Variants in DIP2B observed in about 807,000 individuals in gnomAD.
The protein encoded by DIP2B is disco-interacting protein 2 homolog B.
In DIP2B, 76 loss-of-function variants were observed where a neutral mutation model predicts 198.0. The ratio of observed to expected loss-of-function variants is 0.38; its 90% CI spans 0.32 to 0.46. The LOEUF is 0.46. Among genes scored for constraint, DIP2B ranks in the 20% least tolerant of loss-of-function variants. The pLI is 0.99. For missense variants in DIP2B, 1,559 were observed against 1,978.4 expected, an observed-to-expected ratio of 0.79 and a Z score of 4.02; for synonymous variants, 701 against 739.1, an observed-to-expected ratio of 0.95 and a Z score of 0.84.
intron 23 of DIP2B, among the ~76,000 whole-genome samples, chr12:50,716,801 G>A (rs947493681): frequency 6.6e-5 from 10 of 151,966 alleles, no homozygotes; most frequent in African/African-American, 2.2e-4. Context: ...TCTTAGTTCC[G>A]TGAGGCGGAT....
intron 19 of DIP2B, among the ~76,000 whole-genome samples, chr12:50,702,927 T>A (rs1454724322): frequency 2.0e-5 from 3 of 152,112 alleles, no homozygotes; most frequent in Non-Finnish European, 2.9e-5. Flanking sequence ...GTCTTGAATT[T>A]AAAAAAATTT....
At chr12:50,506,359 G>A (rs1051252129) in intron 1 of DIP2B, among the ~76,000 whole-genome samples, 5 of 152,160 alleles carry the variant, frequency 3.3e-5, no homozygotes, top group African/African-American at 1.2e-4. Context: ...ACTCCCAGGA[G>A]CTTATTAAAC....
chr12:50,656,049 G>GA (rs1163953226), intron 3 of DIP2B, among the ~76,000 whole-genome samples: 1 of 152,120 alleles, frequency 6.6e-6, no homozygotes, highest in Admixed American at 6.5e-5. Flanking sequence ...AAAATATATT[G>GA]AAAATGTTGT....
chr12:50,654,879 T>G (rs1330163303), intron 3 of DIP2B: 6 of 281,412 alleles, frequency 2.1e-5, no homozygotes, highest in South Asian at 1.3e-4. Flanking sequence ...CAACACACTC[T>G]GAAGGTTAGG....
chr12:50,604,870 A>G (rs986356134), intron 1 of DIP2B, among the ~76,000 whole-genome samples: 2 of 152,194 alleles, frequency 1.3e-5, no homozygotes, highest in African/African-American at 2.4e-5. Context: ...ATATATATCA[A>G]TGAGAGTTCC....
At chr12:50,739,350 A>C in intron 35 of DIP2B, 59 bp from the exon 36 acceptor site, 5 of 1,538,626 alleles carry the variant, frequency 3.2e-6, no homozygotes, top group Non-Finnish European at 3.5e-6. Context: ...ACCTGATCCA[A>C]GAGAATTAAT....
intron 2 of DIP2B, among the ~76,000 whole-genome samples, chr12:50,639,361 T>C (rs568825562): frequency 2.0e-4 from 31 of 152,270 alleles, no homozygotes; most frequent in Admixed American, 1.8e-3. Flanking sequence ...AGATGGCTCA[T>C]TCACATGTTT....
At chr12:50,579,087 CA>C (rs1958690771) in intron 1 of DIP2B, among the ~76,000 whole-genome samples, 1 of 151,900 alleles carries the variant, frequency 6.6e-6, no homozygotes, top group Non-Finnish European at 1.5e-5. Flanking sequence ...TGTGTTGTGT[CA>C]AGGAAAAACA....
intron 9 of DIP2B, among the ~76,000 whole-genome samples, chr12:50,681,463 T>A (rs1397933897): frequency 6.6e-6 from 1 of 152,022 alleles, no homozygotes; most frequent in African/African-American, 2.4e-5. Flanking sequence ...GCCTCATACA[T>A]CTTTTAAAAC....
At position 50,505,113 on chromosome 12, in the gene DIP2B, C is replaced by T. The variant is rs1368594401; in HGVS notation, c.-28C>T. Reference sequence around the variant, plus strand: ...TCCCTCCTTCGGCCCCCTCTCTTGTCTTCCGGAGTGTGGCTGGCGGAGCTG... The same window carrying T: ...TCCCTCCTTCGGCCCCCTCTCTTGTTTTCCGGAGTGTGGCTGGCGGAGCTG... On this transcript the variant is annotated 5_prime_UTR_variant, in exon 1 of 38. Coordinates refer to ENST00000301180, the MANE Select transcript of DIP2B (RefSeq NM_173602.3). The T allele has an allele frequency of 6.5e-7, 1 of 1,528,604 alleles. No homozygotes were observed. The highest frequency in any genetic ancestry group is 1.4e-5 in the African/African-American group (1 of 71,660). The allele number at this position is 1,528,604 out of a possible 1,614,324, so 94.7% of individuals were successfully genotyped here.
intron 19 of DIP2B, among the ~76,000 whole-genome samples, chr12:50,703,886 A>C (rs1031090045): frequency 2.0e-5 from 3 of 151,024 alleles, no homozygotes; most frequent in African/African-American, 4.8e-5. Context: ...AAAAAAAAAA[A>C]AACTCAGCAC....
chr12:50,714,203 C>T (rs1466199217), intron 22 of DIP2B, among the ~76,000 whole-genome samples, 192 bp from the exon 23 acceptor site: 1 of 152,174 alleles, frequency 6.6e-6, no homozygotes, highest in Non-Finnish European at 1.5e-5. Context: ...TCTGCCACAG[C>T]TGAAAGATGT....
intron 2 of DIP2B, among the ~76,000 whole-genome samples, chr12:50,630,960 C>T (rs956574147): frequency 6.6e-5 from 10 of 152,008 alleles, no homozygotes; most frequent in African/African-American, 9.7e-5. Context: ...TGTGAGCCAC[C>T]GTGCCTGGCC....
chr12:50,623,437 ACTCT>A lies in DIP2B; in HGVS notation c.101-2509_101-2506del, dbSNP rs142536204. On this transcript the variant is annotated intron_variant, in intron 1 of 37. Transcript: ENST00000301180. ...CACACACACACACACACACACACAC[ACTCT>A]CTCTCTCTCTCTCTCTCTCTCTCTC... 4.5e-3 allele frequency among the ~76,000 whole-genome samples: 256 copies of A among 57,070 alleles called. 3 individuals carry two copies. Among genetic ancestry groups the A allele is most frequent in the African/African-American group, 0.017 (225 of 13,410 alleles). 37.4% of individuals were successfully genotyped at this position (57,070 alleles called of 152,430 possible).
At chr12:50,515,139 T>C (rs1392267924) in intron 1 of DIP2B, among the ~76,000 whole-genome samples, 2 of 152,122 alleles carry the variant, frequency 1.3e-5, no homozygotes, top group African/African-American at 4.8e-5. Flanking sequence ...ATTAAGCTTC[T>C]GAAACAACTG....
At chr12:50,505,969 C>T (rs924546178) in intron 1 of DIP2B, among the ~76,000 whole-genome samples, 25 of 151,700 alleles carry the variant, frequency 1.6e-4, no homozygotes, top group African/African-American at 5.6e-4. Flanking sequence ...ACTTGCAAAT[C>T]CTGGCTGGCA....
At chr12:50,599,241 G>A (rs529219623) in intron 1 of DIP2B, among the ~76,000 whole-genome samples, 12 of 149,256 alleles carry the variant, frequency 8.0e-5, no homozygotes, top group African/African-American at 1.7e-4. Context: ...GCAGTGAACC[G>A]AGATGGCACC....
intron 1 of DIP2B, among the ~76,000 whole-genome samples, chr12:50,554,971 G>T (rs1181289508): frequency 3.4e-5 from 5 of 148,408 alleles, no homozygotes; most frequent in South Asian, 2.2e-4. Context: ...GTTTCACCGT[G>T]TTGGCCAGGA....
At chr12:50,550,673 T>G (rs1372836657) in intron 1 of DIP2B, among the ~76,000 whole-genome samples, 2 of 152,168 alleles carry the variant, frequency 1.3e-5, no homozygotes, top group Non-Finnish European at 2.9e-5. Context: ...TCAGTGCTTG[T>G]GGAGGCTGTT....
Sources: allele counts gnomAD v4.1 joint callset (sites outside exome capture counted in the v4.1 genomes callset), GRCh38; gene constraint gnomAD v4.1.1; transcripts MANE v1.5; gene names NCBI Gene and HGNC (gene_info 2026-07-23, HGNC 2026-07-21).